TENT2: variants seen among roughly 807,000 people sequenced by gnomAD.
TENT2 encodes the protein terminal nucleotidyltransferase 2, also known as poly(A) RNA polymerase GLD2.
In TENT2, 44 loss-of-function variants were observed where a neutral mutation model predicts 72.2. The ratio of observed to expected loss-of-function variants is 0.61; its 90% CI spans 0.48 to 0.78. The LOEUF (loss-of-function observed/expected upper bound fraction) is 0.78, where lower values mean the gene tolerates loss of function less well. Ranked by LOEUF, TENT2 falls within the 30% of genes least tolerant of loss-of-function variation. TENT2 has a pLI of 0.00. For synonymous variants in TENT2, 212 were observed against 192.5 expected, an observed-to-expected ratio of 1.10 and a Z score of -0.84; for missense variants, 541 against 569.6, an observed-to-expected ratio of 0.95 and a Z score of 0.51.
intron 4 of TENT2, among the ~76,000 whole-genome samples, chr5:79,634,036 G>C (rs984138092): frequency 6.7e-6 from 1 of 149,982 alleles, no homozygotes; most frequent in South Asian, 2.1e-4. Flanking sequence ...GGACCTGGTG[G>C]CGGACGCCTA....
In TENT2 at chr5:79,615,920, G is replaced by A. The variant is rs534577403; in HGVS notation, c.-38+2845G>A. ...TGTTTTTTTTTTGAGACGAAGTCTCGTTTTTTCGCCCAGGCTGGAGTGCAG... is the reference window on the plus strand; with the variant it reads ...TGTTTTTTTTTTGAGACGAAGTCTCATTTTTTCGCCCAGGCTGGAGTGCAG... On this transcript the variant is annotated intron_variant, in intron 1 of 14. Transcript: ENST00000453514. Among the ~76,000 whole-genome samples the A allele has an allele frequency of 1.3e-3, 196 of 151,924 alleles. 1 individual carries two copies. The highest frequency in any genetic ancestry group is 4.5e-3 in the African/African-American group (185 of 41,468).
At chr5:79,652,285 C>A (rs1741008148) in intron 10 of TENT2, among the ~76,000 whole-genome samples, 1 of 151,810 alleles carries the variant, frequency 6.6e-6, no homozygotes, top group African/African-American at 2.4e-5. Context: ...ATCTACATAG[C>A]CACCAACAAT....
At chr5:79,656,310 A>T (rs1287334933) in intron 10 of TENT2, among the ~76,000 whole-genome samples, 4 of 152,006 alleles carry the variant, frequency 2.6e-5, no homozygotes, top group African/African-American at 9.6e-5. Flanking sequence ...ACATGAGGAT[A>T]TAATTTCTTT....
At chr5:79,683,809 A>C (rs550006264) in intron 14 of TENT2, among the ~76,000 whole-genome samples, 5 of 148,254 alleles carry the variant, frequency 3.4e-5, no homozygotes, top group African/African-American at 1.2e-4. Context: ...AGTCCCAGCT[A>C]CTTGGGAGGC....
intron 12 of TENT2, among the ~76,000 whole-genome samples, chr5:79,677,566 A>G (rs1818181704): frequency 6.6e-6 from 1 of 152,252 alleles, no homozygotes; most frequent in Admixed American, 6.5e-5. Flanking sequence ...TAATGTTTAC[A>G]GTTTTAATTC....
chr5:79,679,541 G>T, intron 12 of TENT2, 38 bp from the exon 13 acceptor site: 1 of 1,418,148 alleles, frequency 7.1e-7, no homozygotes. Context: ...GAGAAATTAT[G>T]AAAATAGTTA....
chr5:79,667,216 CAT>C (rs1808941009), intron 11 of TENT2, among the ~76,000 whole-genome samples: 1 of 152,138 alleles, frequency 6.6e-6, no homozygotes, highest in Non-Finnish European at 1.5e-5. Flanking sequence ...TCTGTTTTAG[CAT>C]ATTCAGTTCA....
At chr5:79,652,172 TA>T (rs1794651657) in intron 10 of TENT2, among the ~76,000 whole-genome samples, 1 of 152,078 alleles carries the variant, frequency 6.6e-6, no homozygotes, top group African/African-American at 2.4e-5. Flanking sequence ...CATGTAAAGC[TA>T]TTTTTTTATG....
In TENT2 at chr5:79,686,529, C is replaced by G. The variant is rs1826093762; in HGVS notation, c.*1256C>G. On this transcript the variant is annotated 3_prime_UTR_variant, in exon 15 of 15. Transcript: ENST00000453514. ...CTCTAACGTATTTTTTTTTTGCAGA[C>G]CAAATGCTAAAACTTTTGCTTTTCT... 6.6e-6 allele frequency: 1 copy of G among 151,326 alleles called. No homozygotes were observed. The allele number at this position is 151,326 out of a possible 1,614,324, so 9.4% of individuals were successfully genotyped here.
chr5:79,676,762 GTTC>G (rs762193232), intron 12 of TENT2, among the ~76,000 whole-genome samples: 13 of 152,156 alleles, frequency 8.5e-5, no homozygotes, highest in East Asian at 7.7e-4. Flanking sequence ...CCCCATATCT[GTTC>G]TTCTTTCTGA....
In TENT2 at chr5:79,648,708, T is replaced by G; in HGVS notation, c.898+15T>G. ...TTATGCATACCGTAAGTTTGTTGTT[T>G]GTTTATTAAAAATTAGCCTTTTTTT... is the stretch of plus-strand genomic sequence containing the variant. On this transcript the variant is annotated intron_variant, in intron 9 of 14. Coordinates refer to ENST00000453514, the MANE Select transcript of TENT2 (RefSeq NM_001114394.3). 1.9e-6 allele frequency: 3 copies of G among 1,554,236 alleles called. No homozygotes were observed. The highest frequency in any genetic ancestry group is 2.6e-6 in the Non-Finnish European group (3 of 1,147,236).
rs935561582 is a variant in TENT2 at position 79,686,250 on chromosome 5, AATT to A, written c.*983_*985del. On this transcript the variant is annotated 3_prime_UTR_variant, in exon 15 of 15. Coordinates refer to ENST00000453514, the MANE Select transcript of TENT2 (RefSeq NM_001114394.3). ...AAATGTTTTAGATAAGACACAATAA[AATT>A]ATTATAAATAAAAGCTTAATGTTTG... 6.6e-6 allele frequency: 1 copy of A among 152,504 alleles called. No individual in the cohort carries two copies. The highest frequency in any genetic ancestry group is 1.5e-5 in the Non-Finnish European group (1 of 68,004). 9.4% of individuals were successfully genotyped at this position (152,504 alleles called of 1,614,324 possible). A position where few individuals can be genotyped will look rare whatever the true frequency, so the allele number is the denominator to read the frequency against.
intron 8 of TENT2, among the ~76,000 whole-genome samples, chr5:79,646,421 A>G (rs1789060238): frequency 2.0e-5 from 3 of 152,170 alleles, no homozygotes; most frequent in Admixed American, 2.0e-4. Flanking sequence ...CCTAGGAGCA[A>G]TGGTATAGTA....
intron 9 of TENT2, 39 bp from the exon 10 acceptor site, chr5:79,649,023 A>T (rs771185920): frequency 6.9e-6 from 11 of 1,599,044 alleles, no homozygotes; most frequent in Admixed American, 1.7e-5. Flanking sequence ...AAGAAACTAT[A>T]ACGTCTCTTA....
At chr5:79,684,974 C>T (rs1045367100) in intron 14 of TENT2, among the ~76,000 whole-genome samples, 2 of 152,158 alleles carry the variant, frequency 1.3e-5, no homozygotes, top group Non-Finnish European at 2.9e-5. Context: ...GGGAGGATCT[C>T]TTGAGCCTGG....
chr5:79,677,325 T>C (rs1472018159), intron 12 of TENT2, among the ~76,000 whole-genome samples: 1 of 152,204 alleles, frequency 6.6e-6, no homozygotes, highest in African/African-American at 2.4e-5. Context: ...TAAGGGATTA[T>C]AATAAAATGA....
intron 11 of TENT2, among the ~76,000 whole-genome samples, chr5:79,658,561 A>T (rs1237909688): frequency 6.6e-6 from 1 of 152,182 alleles, no homozygotes; most frequent in Non-Finnish European, 1.5e-5. Context: ...CTGAAAGGTC[A>T]TATTTCATTT....
In TENT2 at chr5:79,623,368, A is replaced by G; in HGVS notation, c.344A>G (p.Tyr115Cys). ...GTGCCTTTATCAGGTGAACGAAGATACTCAATGCCACCATTGTTTCATACA... is the reference window on the plus strand; with the variant it reads ...GTGCCTTTATCAGGTGAACGAAGATGCTCAATGCCACCATTGTTTCATACA... Reference protein sequence around the residue: ...QIVPLSGERRYSMPPLFHTHY... With the variant: ...QIVPLSGERRCSMPPLFHTHY... Residue 115 changes from tyrosine to cysteine, a missense_variant, in exon 4 of 15, where the codon TAC (tyrosine) becomes TGC (cysteine). Coordinates refer to ENST00000453514, the MANE Select transcript of TENT2 (RefSeq NM_001114394.3). The G allele has an allele frequency of 6.2e-7, 1 of 1,613,808 alleles. No homozygotes were observed. The highest frequency in any genetic ancestry group is 1.7e-5 in the Admixed American group (1 of 60,004).
At chr5:79,648,069 A>G (rs1790560627) in intron 8 of TENT2, among the ~76,000 whole-genome samples, 1 of 152,118 alleles carries the variant, frequency 6.6e-6, no homozygotes, top group Non-Finnish European at 1.5e-5. Context: ...AGATTATTTG[A>G]GAGTGTATAA....
Sources: gnomAD v4.1 joint callset for allele counts (sites outside exome capture counted in the v4.1 genomes callset) on GRCh38, gnomAD v4.1.1 for gene constraint, MANE v1.5 for transcripts, NCBI Gene and HGNC (gene_info 2026-07-23, HGNC 2026-07-21) for gene names.